Variants in CHP1 observed in about 807,000 individuals in gnomAD.
The protein encoded by CHP1 is calcineurin B homologous protein 1.
In CHP1, 11 loss-of-function variants were observed where a neutral mutation model predicts 27.4. The observed-to-expected ratio is 0.40, with a 90% CI of 0.25 to 0.67. The LOEUF is 0.67. CHP1 is among the 30% of genes least tolerant of loss of function. CHP1 has a pLI of 0.38. For missense variants in CHP1, 169 were observed against 251.3 expected (o/e 0.67, Z 2.22); for synonymous variants, 89 against 87.4 (o/e 1.02, Z -0.10).
intron 2 of CHP1, among the ~76,000 whole-genome samples, chr15:41,252,174 T>A (rs1316381700): frequency 6.6e-6 from 1 of 151,868 alleles, no homozygotes; most frequent in Non-Finnish European, 1.5e-5. Context: ...AGCTGTATTT[T>A]CTTTTCTTTT....
Position 41,262,843 on chromosome 15 carries a change from T to G in CHP1, c.309T>G (p.Asn103Lys), listed in dbSNP as rs2140937028. Residue 103 changes from asparagine (N) to lysine (K), a missense_variant, in exon 4 of 7, where the codon AAT becomes AAG. Transcript: ENST00000334660. ...ATAATGAAAAGAGCAAAGATGTGAA[T>G]GGACCCGAACCACTCAACAGCCGAA... is the stretch of plus-strand genomic sequence containing the variant. ...IEDNEKSKDVNGPEPLNSRSN... is the reference protein window; with the variant it reads ...IEDNEKSKDVKGPEPLNSRSN... The G allele has an allele frequency of 6.2e-7, 1 of 1,614,178 alleles. No homozygotes were observed. Among genetic ancestry groups the G allele is most frequent in the South Asian group, 1.1e-5 (1 of 91,082 alleles).
At chr15:41,268,619 G>A (rs767075289) in intron 4 of CHP1, among the ~76,000 whole-genome samples, 91 of 149,644 alleles carry the variant, frequency 6.1e-4, no homozygotes, top group Non-Finnish European at 4.1e-4. Context: ...TCCAGCCTGG[G>A]CGACAGAGCA....
intron 5 of CHP1, among the ~76,000 whole-genome samples, chr15:41,271,207 C>G (rs1298787240): frequency 1.4e-5 from 2 of 146,422 alleles, no homozygotes; most frequent in Admixed American, 1.4e-4. Context: ...GTGAGCAGAG[C>G]TCACTCCACT....
intron 1 of CHP1, among the ~76,000 whole-genome samples, chr15:41,242,983 A>G (rs1030521327): frequency 6.6e-6 from 1 of 151,906 alleles, no homozygotes; most frequent in South Asian, 2.1e-4. Context: ...TACAGTAAAA[A>G]CATACATTTT....
At chr15:41,277,902 G>C (rs2047527371) in intron 5 of CHP1, among the ~76,000 whole-genome samples, 1 of 151,874 alleles carries the variant, frequency 6.6e-6, no homozygotes, top group Non-Finnish European at 1.5e-5. Context: ...GCTGCAGTGA[G>C]CCACATTCGC....
At chr15:41,260,059 A>G (rs1402209553) in intron 3 of CHP1, among the ~76,000 whole-genome samples, 1 of 152,198 alleles carries the variant, frequency 6.6e-6, no homozygotes, top group Non-Finnish European at 1.5e-5. Context: ...CAGATGGCTC[A>G]CAGGCTAGCC....
In CHP1 at chr15:41,257,003, A is replaced by G. The variant is rs1595477315; in HGVS notation, c.221+13A>G. ...TCTTTCCAGAGGGGTGAGTCAGTAC[A>G]GTTGTTGGACTTCCTTCCTGAGGCT... On this transcript the variant is annotated intron_variant, in intron 3 of 6. Transcript: ENST00000334660. 6.2e-7 allele frequency: 1 copy of G among 1,606,128 alleles called. No homozygotes were observed. The highest frequency in any genetic ancestry group is 8.5e-7 in the Non-Finnish European group (1 of 1,173,548).
At chr15:41,246,737 C>G (rs1014359265) in intron 2 of CHP1, among the ~76,000 whole-genome samples, 1 of 143,550 alleles carries the variant, frequency 7.0e-6, no homozygotes. Context: ...AACCCCGTCT[C>G]TATTAAAAAT....
At chr15:41,251,450 C>G (rs2047366017) in intron 2 of CHP1, among the ~76,000 whole-genome samples, 1 of 152,206 alleles carries the variant, frequency 6.6e-6, no homozygotes, top group Non-Finnish European at 1.5e-5. Context: ...CAAAAGACCA[C>G]TTTAGGACCC....
chr15:41,253,220 A>G lies in CHP1; in HGVS notation c.141-3690A>G, dbSNP rs1411645769. Among the ~76,000 whole-genome samples, 8 of 151,862 alleles carry G rather than the reference A, an allele frequency of 5.3e-5. No homozygotes were observed. In the South Asian group the frequency reaches 1.7e-3, roughly 32 times the overall value. The stretch of plus-strand genomic sequence containing the variant: ...CCAAAGTGCTGGGATTACAGGCGTG[A>G]GCCACTGTGCCCGGCCTTCGGATGG... On this transcript the variant is annotated intron_variant, in intron 2 of 6. Transcript: ENST00000334660.
At chr15:41,275,840 C>T (rs1019939214) in intron 5 of CHP1, among the ~76,000 whole-genome samples, 9 of 152,014 alleles carry the variant, frequency 5.9e-5, no homozygotes, top group East Asian at 2.0e-4. Flanking sequence ...CTCAGCCTCC[C>T]GAGTAGCTGG....
At chr15:41,247,989 A>AAAAT (rs34267162) in intron 2 of CHP1, among the ~76,000 whole-genome samples, 49,876 of 149,610 alleles carry the variant, frequency 0.33, 8,553 homozygotes, top group African/African-American at 0.42. Flanking sequence ...ATAAATAAAT[A>AAAAT]AAATAAATAA....
At chr15:41,243,432 A>C (rs959450006) in intron 1 of CHP1, among the ~76,000 whole-genome samples, 4 of 152,256 alleles carry the variant, frequency 2.6e-5, no homozygotes, top group African/African-American at 4.8e-5. Flanking sequence ...TATTCATCAC[A>C]GTCTTAATTA....
At chr15:41,234,546 C>A (rs1158497800) in intron 1 of CHP1, among the ~76,000 whole-genome samples, 1 of 152,032 alleles carries the variant, frequency 6.6e-6, no homozygotes, top group Admixed American at 6.6e-5. Flanking sequence ...ATATTTTTTG[C>A]AAATTTAAAA....
rs1260732893 is a variant in CHP1, at chr15:41,243,568, C to T, written c.68-99C>T. The T allele has an allele frequency of 3.1e-5, 26 of 835,616 alleles. No individual in the cohort carries two copies. The East Asian group carries it at 4.3e-4, about 14-fold the overall frequency. 51.8% of individuals were successfully genotyped at this position (835,616 alleles called of 1,614,324 possible). Reference sequence around the variant, plus strand: ...TTCTAGAGATAAGAGTTTCGACATCCCAGTCCTACTGAATTTTGAAGCATT... The same window carrying T: ...TTCTAGAGATAAGAGTTTCGACATCTCAGTCCTACTGAATTTTGAAGCATT... On this transcript the variant is annotated intron_variant, in intron 1 of 6. Coordinates refer to ENST00000334660, the MANE Select transcript of CHP1 (RefSeq NM_007236.5).
At position 41,261,148 on chromosome 15, in the gene CHP1, CCCTTT is replaced by C. The variant is rs536912926; in HGVS notation, c.222-1597_222-1593del. ...CTTTTCCTTCCTTTTCCTTTCCTTT[CCCTTT>C]CCTTTCCTTTTCTTTTTTTTTGACA... On this transcript the variant is annotated intron_variant, in intron 3 of 6. Transcript: ENST00000334660. 8.8e-4 allele frequency among the ~76,000 whole-genome samples: 131 copies of C among 149,556 alleles called. 3 individuals carry two copies. The South Asian group carries it at 0.022, about 25-fold the overall frequency.
intron 5 of CHP1, among the ~76,000 whole-genome samples, chr15:41,278,147 T>G (rs981679033): frequency 2.6e-5 from 4 of 151,826 alleles, no homozygotes; most frequent in African/African-American, 9.7e-5. Flanking sequence ...TCTAACATGC[T>G]GAAACCCCAT....
intron 5 of CHP1, among the ~76,000 whole-genome samples, chr15:41,271,969 C>T (rs2047491790): frequency 6.6e-6 from 1 of 152,170 alleles, no homozygotes; most frequent in South Asian, 2.1e-4. Flanking sequence ...TCAGGTTATC[C>T]ACCCGCCTCG....
chr15:41,258,358 A>G (rs750497459), intron 3 of CHP1, among the ~76,000 whole-genome samples: 4 of 152,180 alleles, frequency 2.6e-5, no homozygotes, highest in East Asian at 1.9e-4. Flanking sequence ...TATCTAATCT[A>G]TTACTCTGTT....
Sources: allele counts gnomAD v4.1 joint callset (sites outside exome capture counted in the v4.1 genomes callset), GRCh38; gene constraint gnomAD v4.1.1; transcripts MANE v1.5; gene names NCBI Gene and HGNC (gene_info 2026-07-23, HGNC 2026-07-21).